The following FAM184B variants were observed in gnomAD, a reference collection of about 807,000 sequenced individuals.
FAM184B encodes protein FAM184B.
In FAM184B, 111 loss-of-function variants were observed where a neutral mutation model predicts 135.9. That is an observed-to-expected ratio of 0.82 (90% CI 0.70 to 0.96). The LOEUF (loss-of-function observed/expected upper bound fraction) is 0.96. Ranked by LOEUF, FAM184B falls within the 40% of genes least tolerant of loss-of-function variation. The pLI is 0.00. For missense variants in FAM184B, 1,375 were observed against 1,323.9 expected, an observed-to-expected ratio of 1.04 and a Z score of -0.60; for synonymous variants, 552 against 524.8, an observed-to-expected ratio of 1.05 and a Z score of -0.71.
intron 7 of FAM184B, among the ~76,000 whole-genome samples, chr4:17,675,350 C>CT (rs1198572960): frequency 6.6e-6 from 1 of 152,136 alleles, no homozygotes; most frequent in East Asian, 1.9e-4. Flanking sequence ...AAAGGAATCT[C>CT]TTTTTTCTGA....
chr4:17,742,170 T>A (rs6811755), intron 1 of FAM184B, among the ~76,000 whole-genome samples: 42 of 121,462 alleles, frequency 3.5e-4, no homozygotes, highest in African/African-American at 1.6e-3. Context: ...ATATATATAT[T>A]TTTTTTTTTT....
intron 7 of FAM184B, among the ~76,000 whole-genome samples, 171 bp downstream of exon 7, chr4:17,688,253 G>A (rs1204531594): frequency 6.9e-6 from 1 of 145,084 alleles, no homozygotes; most frequent in East Asian, 2.1e-4. Context: ...TTCCTTCGTG[G>A]TTTCTGTGAA....
rs1208482844 is a variant in FAM184B at position 17,632,605 on chromosome 4, G to A, written c.3110C>T (p.Ala1037Val). 5.2e-6 allele frequency: 8 copies of A among 1,550,764 alleles called. 1 individual carries two copies. The highest frequency in any genetic ancestry group is 2.0e-5 in the Admixed American group (1 of 50,854). Residue 1037 changes from alanine to valine, a missense_variant, in exon 18 of 18, where the codon GCC (alanine) becomes GTC (valine). Transcript: ENST00000265018. ...TTTCTGCTGGACTTCTTTGGCTTGG[G>A]CCGTTTCACCATCTGGGGTCCTAAA... is the stretch of plus-strand genomic sequence containing the variant. Reference protein sequence around the residue: ...TATRTPDGETAQAKEVQQKQG... With the variant: ...TATRTPDGETVQAKEVQQKQG...
intron 1 of FAM184B, among the ~76,000 whole-genome samples, chr4:17,731,951 CA>C (rs1383896316): frequency 6.6e-6 from 1 of 152,078 alleles, no homozygotes; most frequent in Non-Finnish European, 1.5e-5. Flanking sequence ...CACTCCTCAG[CA>C]AATGTAAAAG....
At chr4:17,729,539 C>T (rs1717724958) in intron 1 of FAM184B, among the ~76,000 whole-genome samples, 1 of 152,216 alleles carries the variant, frequency 6.6e-6, no homozygotes, top group Non-Finnish European at 1.5e-5. Flanking sequence ...AGGTACTCCT[C>T]TGAGACAAAA....
At chr4:17,767,322 C>T (rs1213161723) in intron 1 of FAM184B, among the ~76,000 whole-genome samples, 2 of 152,192 alleles carry the variant, frequency 1.3e-5, no homozygotes, top group East Asian at 1.9e-4. Flanking sequence ...GACAAAGCCC[C>T]GAGCCAGCTA....
chr4:17,742,480 G>T (rs1357477451), intron 1 of FAM184B, among the ~76,000 whole-genome samples: 2 of 152,062 alleles, frequency 1.3e-5, no homozygotes, highest in East Asian at 3.9e-4. Flanking sequence ...GGAACCACAG[G>T]CCTGAGTGAA....
rs763973732 is a variant in FAM184B at position 17,653,013 on chromosome 4, T to C, written c.2038-30A>G. On this transcript the variant is annotated intron_variant, in intron 10 of 17. Transcript: ENST00000265018. ...GGGAAAAAGTGGGAACAAGAAGGCA[T>C]GAAAGTGGGCATGAGGGTGGGAGAC... is the stretch of plus-strand genomic sequence containing the variant. 6.4e-6 allele frequency: 10 copies of C among 1,550,516 alleles called. 1 individual carries two copies. The South Asian group carries it at 1.2e-4, about 18-fold the overall frequency.
At chr4:17,681,893 C>T (rs147812440) in intron 7 of FAM184B, among the ~76,000 whole-genome samples, 6 of 152,318 alleles carry the variant, frequency 3.9e-5, no homozygotes, top group Non-Finnish European at 7.4e-5. Flanking sequence ...GCTTCCTCTC[C>T]CATATGGGCT....
intron 7 of FAM184B, among the ~76,000 whole-genome samples, chr4:17,686,838 A>G (rs2108955519): frequency 6.6e-6 from 1 of 152,268 alleles, no homozygotes; most frequent in Admixed American, 6.5e-5. Flanking sequence ...GCTACTCGGG[A>G]GGCTGAGGTG....
intron 1 of FAM184B, among the ~76,000 whole-genome samples, chr4:17,725,840 C>T (rs539025606): frequency 2.0e-5 from 3 of 152,236 alleles, no homozygotes; most frequent in South Asian, 4.1e-4. Flanking sequence ...TCCTTCTTGT[C>T]CAGTGAAAAT....
chr4:17,658,546 T>C lies in FAM184B; in HGVS notation c.1841A>G (p.Gln614Arg), dbSNP rs1345919376. The C allele has an allele frequency of 1.3e-6, 2 of 1,551,012 alleles. No individual in the cohort carries two copies. The highest frequency in any genetic ancestry group is 1.4e-5 in the African/African-American group (1 of 73,056). Residue 614 changes from glutamine to arginine, a missense_variant, in exon 10 of 18, where the codon CAG (glutamine) becomes CGG (arginine). Coordinates refer to ENST00000265018, the MANE Select transcript of FAM184B (RefSeq NM_015688.2). ...KLQAQVSQMQ[Q>R]ALEQCTSNYR... Reference sequence around the variant, plus strand: ...GTTGCTGGTGCACTGCTCCAGAGCCTGCTGCATCTGTGAGACCTGCGCACA... The same window carrying C: ...GTTGCTGGTGCACTGCTCCAGAGCCCGCTGCATCTGTGAGACCTGCGCACA...
At position 17,664,645 on chromosome 4, in the gene FAM184B, C is replaced by T; in HGVS notation, c.1611G>A (p.Lys537=). 1 of 1,548,406 alleles carries T rather than the reference C, an allele frequency of 6.5e-7. No homozygotes were observed. The highest frequency in any genetic ancestry group is 8.7e-7 in the Non-Finnish European group (1 of 1,145,784). The stretch of plus-strand genomic sequence containing the variant: ...CTCCTCTCGGCGAAGTTTCATCCAG[C>T]TTCAAGCATGGATCCTAAGGCCAAA... ...SILETQDPCL[K]LDETSPRGEE... is the part of the protein sequence containing the mutation. Residue 537 remains lysine, a synonymous_variant, in exon 8 of 18, where the codon AAG becomes AAA. Coordinates refer to ENST00000265018, the MANE Select transcript of FAM184B (RefSeq NM_015688.2).
At chr4:17,643,040 CATG>C (rs1201887234) in intron 12 of FAM184B, among the ~76,000 whole-genome samples, 2 of 152,226 alleles carry the variant, frequency 1.3e-5, no homozygotes, top group Non-Finnish European at 2.9e-5. Context: ...CTGGGGTTGG[CATG>C]ATGTGGGATG....
At chr4:17,752,872 G>A (rs1461576679) in intron 1 of FAM184B, among the ~76,000 whole-genome samples, 2 of 152,200 alleles carry the variant, frequency 1.3e-5, no homozygotes, top group Admixed American at 1.3e-4. Flanking sequence ...AGAGATTAAA[G>A]CAACAGATGT....
chr4:17,634,014 A>G (rs576248417), intron 16 of FAM184B, 126 bp from the exon 17 acceptor site: 2 of 646,830 alleles, frequency 3.1e-6, no homozygotes, highest in African/African-American at 3.8e-5. Flanking sequence ...TTTCATTTAT[A>G]CACTTACATG....
chr4:17,736,146 G>T (rs1047111666), intron 1 of FAM184B, among the ~76,000 whole-genome samples: 7 of 152,060 alleles, frequency 4.6e-5, no homozygotes, highest in African/African-American at 1.4e-4. Flanking sequence ...TCTCATTATT[G>T]CCCCAGTTTT....
intron 5 of FAM184B, among the ~76,000 whole-genome samples, chr4:17,702,950 C>A (rs993210366): frequency 6.6e-6 from 1 of 152,170 alleles, no homozygotes; most frequent in Non-Finnish European, 1.5e-5. Flanking sequence ...CAGCTGCCTA[C>A]CCAGTGTGAA....
chr4:17,779,102 A>G lies in FAM184B; in HGVS notation c.141+2057T>C, dbSNP rs935776794. Among the ~76,000 whole-genome samples, 3 of 152,216 alleles carry G rather than the reference A, an allele frequency of 2.0e-5. 1 individual carries two copies. The highest frequency in any genetic ancestry group is 1.5e-5 in the Non-Finnish European group (1 of 68,038). ...CCAGCAGTGGAATATGTATCACTTT[A>G]CTAATCTGATAGAAGGCAAGAATGG... On this transcript the variant is annotated intron_variant, in intron 1 of 17. Transcript: ENST00000265018.
Sources: allele counts gnomAD v4.1 joint callset (sites outside exome capture counted in the v4.1 genomes callset), GRCh38; gene constraint gnomAD v4.1.1; transcripts MANE v1.5; gene names NCBI Gene and HGNC (gene_info 2026-07-23, HGNC 2026-07-21).